The following ALOX5 variants were observed in gnomAD, a reference collection of about 807,000 sequenced individuals.
The protein encoded by ALOX5 is arachidonate 5-lipoxygenase.
In ALOX5, 64 loss-of-function variants were observed where a neutral mutation model predicts 87.9. The observed-to-expected ratio is 0.73, with a 90% confidence interval of 0.60 to 0.90. ALOX5 has a LOEUF of 0.90. ALOX5 is among the 40% of genes least tolerant of loss of function. The probability of loss-of-function intolerance (pLI) is 0.00; values close to 1 mark genes in which losing one functional copy is unlikely to be tolerated. For missense variants in ALOX5, 822 were observed against 907.5 expected, an observed-to-expected ratio of 0.91 and a Z score of 1.21; for synonymous variants, 388 against 355.1, an observed-to-expected ratio of 1.09 and a Z score of -1.04.
chr10:45,394,142 G>T (rs1840409107), intron 2 of ALOX5, among the ~76,000 whole-genome samples: 1 of 152,194 alleles, frequency 6.6e-6, no homozygotes, highest in Admixed American at 6.5e-5. Context: ...AGCCCGCATT[G>T]CCAAGACAAT....
At chr10:45,374,821 C>T (rs1446791365) in intron 1 of ALOX5, among the ~76,000 whole-genome samples, 3 of 152,204 alleles carry the variant, frequency 2.0e-5, no homozygotes, top group African/African-American at 7.2e-5. Flanking sequence ...CTTCCTTAGG[C>T]TCCTTCTGCA....
chr10:45,420,268 G>GA (rs1841454910), intron 4 of ALOX5, among the ~76,000 whole-genome samples: 1 of 152,148 alleles, frequency 6.6e-6, no homozygotes, highest in African/African-American at 2.4e-5. Flanking sequence ...AATTTGTTTG[G>GA]AAAATGTAGG....
At chr10:45,405,976 G>A (rs570205916) in intron 3 of ALOX5, among the ~76,000 whole-genome samples, 1 of 152,260 alleles carries the variant, frequency 6.6e-6, no homozygotes, top group Admixed American at 6.5e-5. Context: ...GGATGACAGG[G>A]ATGATGTCTT....
At chr10:45,396,694 A>G (rs933638120) in intron 3 of ALOX5, among the ~76,000 whole-genome samples, 3 of 152,244 alleles carry the variant, frequency 2.0e-5, no homozygotes, top group African/African-American at 7.2e-5. Context: ...CTCTTTTAAG[A>G]AATAGAAGGA....
chr10:45,384,845 T>C (rs892296397), intron 2 of ALOX5, among the ~76,000 whole-genome samples: 1 of 151,600 alleles, frequency 6.6e-6, no homozygotes, highest in Admixed American at 6.6e-5. Context: ...ATTATTATTA[T>C]TATTATTATT....
chr10:45,445,959 A>G lies in ALOX5; in HGVS notation c.*272A>G. 1 of 416,466 alleles carries G rather than the reference A, an allele frequency of 2.4e-6. No individual in the cohort carries two copies. 25.8% of individuals were successfully genotyped at this position (416,466 alleles called of 1,614,324 possible). On this transcript the variant is annotated 3_prime_UTR_variant, in exon 14 of 14. Coordinates refer to ENST00000374391, the MANE Select transcript of ALOX5 (RefSeq NM_000698.5). ...CACCAAGCAGCAACAGCAAATCACG[A>G]CCACTGATAGATGTCTATTCTTGTT...
chr10:45,379,618 T>C (rs3780897), intron 1 of ALOX5, among the ~76,000 whole-genome samples: 25,073 of 152,176 alleles, frequency 0.16, 2,137 homozygotes, highest in South Asian at 0.19. Flanking sequence ...ACAGGCGGTG[T>C]GGGGCCTGGT....
chr10:45,379,119 C>T (rs769623735), intron 1 of ALOX5, among the ~76,000 whole-genome samples: 3 of 152,134 alleles, frequency 2.0e-5, no homozygotes, highest in Non-Finnish European at 4.4e-5. Context: ...AGGTAGACAT[C>T]GGGCCCTCCC....
Position 45,428,740 on chromosome 10 carries a change from C to G in ALOX5, c.957C>G (p.Asn319Lys), listed in dbSNP as rs376303888. The change falls in exon 7 of 14, where the codon AAC (asparagine) becomes AAG (lysine). Residue 319 changes from asparagine to lysine, a missense_variant. Physicochemically the swap from Asn to Lys is moderately conservative, Grantham distance 94. Coordinates refer to ENST00000374391, the MANE Select transcript of ALOX5 (RefSeq NM_000698.5). ...PICLLYKNLA[N>K]KIVPIAIQLN... ...GCTTGCTGTATAAGAACCTGGCCAACAAGATTGTCCCCATTGCCATCCAGG... is the reference window on the plus strand; with the variant it reads ...GCTTGCTGTATAAGAACCTGGCCAAGAAGATTGTCCCCATTGCCATCCAGG... 7 of 1,614,058 alleles carry G rather than the reference C, an allele frequency of 4.3e-6. 1 individual carries two copies. The highest frequency in any genetic ancestry group is 2.2e-5 in the East Asian group (1 of 44,884).
chr10:45,420,335 G>C (rs796329397), intron 4 of ALOX5, among the ~76,000 whole-genome samples: 7 of 152,228 alleles, frequency 4.6e-5, no homozygotes, highest in African/African-American at 1.7e-4. Context: ...TATTTGCTAA[G>C]GTAGCATCAT....
At chr10:45,375,584 G>A (rs1018337210) in intron 1 of ALOX5, among the ~76,000 whole-genome samples, 2 of 152,240 alleles carry the variant, frequency 1.3e-5, no homozygotes, top group Non-Finnish European at 2.9e-5. Context: ...CAACCGGCAA[G>A]TTCATGTTTC....
In ALOX5 at chr10:45,438,171, T is replaced by C. The variant is rs577990877; in HGVS notation, c.982-2259T>C. Among the ~76,000 whole-genome samples, 5 of 152,152 alleles carry C rather than the reference T, an allele frequency of 3.3e-5. No individual in the cohort carries two copies. In the South Asian group the frequency reaches 8.3e-4, roughly 25 times the overall value. On this transcript the variant is annotated intron_variant, in intron 7 of 13. Transcript: ENST00000374391. ...TTGGATCCCTTTTATTTCTTTCTCT[T>C]GCCTAATTGCTCTGACTAGGACTTC...
intron 3 of ALOX5, among the ~76,000 whole-genome samples, chr10:45,400,665 A>C (rs952500496): frequency 6.6e-6 from 1 of 152,206 alleles, no homozygotes; most frequent in African/African-American, 2.4e-5. Context: ...GAACTTCAAA[A>C]ATATGCTAAA....
At chr10:45,400,576 G>A (rs993865380) in intron 3 of ALOX5, among the ~76,000 whole-genome samples, 8 of 152,154 alleles carry the variant, frequency 5.3e-5, no homozygotes, top group African/African-American at 1.7e-4. Context: ...TCCAGCCTGG[G>A]TGACAGAGCA....
intron 2 of ALOX5, among the ~76,000 whole-genome samples, chr10:45,385,834 G>A (rs1430944104): frequency 6.6e-6 from 1 of 152,188 alleles, no homozygotes; most frequent in Non-Finnish European, 1.5e-5. Flanking sequence ...GGATGAAGAT[G>A]TCTCAGCCTG....
At chr10:45,392,883 C>T (rs919591890) in intron 2 of ALOX5, among the ~76,000 whole-genome samples, 1 of 152,154 alleles carries the variant, frequency 6.6e-6, no homozygotes, top group African/African-American at 2.4e-5. Flanking sequence ...GACACATACA[C>T]CCTCCCAAGA....
intron 4 of ALOX5, among the ~76,000 whole-genome samples, chr10:45,413,741 A>T (rs908805358): frequency 6.6e-6 from 1 of 152,256 alleles, no homozygotes; most frequent in Admixed American, 6.5e-5. Flanking sequence ...GAACTTCAGC[A>T]AAGTCTCAGG....
chr10:45,433,074 T>C (rs1841959331), intron 7 of ALOX5, among the ~76,000 whole-genome samples: 1 of 152,218 alleles, frequency 6.6e-6, no homozygotes, highest in East Asian at 1.9e-4. Context: ...TCACCTGTAG[T>C]TAGAGAAATG....
At chr10:45,390,998 CTCTCCCCTCTCTCCTCTCCCA>C (rs1564416216) in intron 2 of ALOX5, among the ~76,000 whole-genome samples, 25 of 55,174 alleles carry the variant, frequency 4.5e-4, no homozygotes, top group South Asian at 5.3e-4. Context: ...CCCCTCTCCC[CTCTCCCCTCTCTCCTCTCCCA>C]TCTCCCCTCT....
Sources: allele counts gnomAD v4.1 joint callset (sites outside exome capture counted in the v4.1 genomes callset), GRCh38; gene constraint gnomAD v4.1.1; transcripts MANE v1.5; gene names NCBI Gene and HGNC (gene_info 2026-07-23, HGNC 2026-07-21).